Variants in TRDN observed in about 807,000 individuals in gnomAD.
The protein encoded by TRDN is triadin, also known as triadin in skeletal muscle.
Under a neutral mutation model 149.7 loss-of-function variants are expected in TRDN, and 161 were observed. The observed-to-expected ratio is 1.08, with a 90% CI of 0.95 to 1.23. The LOEUF (loss-of-function observed/expected upper bound fraction) is 1.23. Among genes scored for constraint, TRDN ranks in the 50% most tolerant of loss-of-function variants. TRDN has a pLI of 0.00. For missense variants in TRDN, 896 were observed against 823.5 expected, an observed-to-expected ratio of 1.09 and a Z score of -1.08; for synonymous variants, 294 against 250.5, an observed-to-expected ratio of 1.17 and a Z score of -1.64.
At chr6:123,394,115 A>T (rs958088177) in intron 12 of TRDN, among the ~76,000 whole-genome samples, 1 of 152,140 alleles carries the variant, frequency 6.6e-6, no homozygotes, top group Non-Finnish European at 1.5e-5. Flanking sequence ...TCCCAAGTTC[A>T]AGCCTTTGAC....
chr6:123,505,489 T>G (rs1444781988), intron 7 of TRDN, among the ~76,000 whole-genome samples: 1 of 152,084 alleles, frequency 6.6e-6, no homozygotes, highest in Non-Finnish European at 1.5e-5. Flanking sequence ...TTCAGATATT[T>G]ACAGGAAGAT....
chr6:123,258,616 G>C (rs189323743), intron 35 of TRDN, among the ~76,000 whole-genome samples: 31 of 152,150 alleles, frequency 2.0e-4, no homozygotes, highest in African/African-American at 7.0e-4. Flanking sequence ...TTATGTCTCT[G>C]CCAGGTTTTG....
chr6:123,530,245 T>C (rs1780172628), intron 5 of TRDN, among the ~76,000 whole-genome samples: 1 of 152,054 alleles, frequency 6.6e-6, no homozygotes, highest in Non-Finnish European at 1.5e-5. Context: ...AGCTACTCTC[T>C]TAGTAATTGT....
In TRDN at chr6:123,512,289, A is replaced by T; in HGVS notation, c.610+14T>A. 1 of 1,374,786 alleles carries T rather than the reference A, an allele frequency of 7.3e-7. No homozygotes were observed. The highest frequency in any genetic ancestry group is 1.0e-6 in the Non-Finnish European group (1 of 995,872). The allele number at this position is 1,374,786 out of a possible 1,614,324, so 85.2% of individuals were successfully genotyped here. On this transcript the variant is annotated intron_variant, in intron 7 of 40. Transcript: ENST00000334268. ...AAAGAATTTAGTTATGGAAATAATA[A>T]ATTGAAAAGTTACCTTTCGCCAGTG...
chr6:123,527,540 G>A (rs564517906), intron 5 of TRDN, among the ~76,000 whole-genome samples: 25 of 151,950 alleles, frequency 1.6e-4, no homozygotes, highest in African/African-American at 4.6e-4. Flanking sequence ...TGGAATCAGC[G>A]TTCTTGGAGG....
At chr6:123,562,622 T>C (rs1423729359) in intron 2 of TRDN, among the ~76,000 whole-genome samples, 2 of 152,210 alleles carry the variant, frequency 1.3e-5, no homozygotes, top group African/African-American at 4.8e-5. Context: ...TATTTTGTTA[T>C]ATCAGCCAAA....
intron 2 of TRDN, among the ~76,000 whole-genome samples, chr6:123,558,449 A>AG (rs1381514913): frequency 6.6e-6 from 1 of 152,242 alleles, no homozygotes; most frequent in East Asian, 1.9e-4. Flanking sequence ...CCTCTTAAAA[A>AG]GGTGGCTGGA....
At chr6:123,511,667 G>GATT (rs1779188189) in intron 7 of TRDN, among the ~76,000 whole-genome samples, 1 of 152,064 alleles carries the variant, frequency 6.6e-6, no homozygotes, top group Admixed American at 6.6e-5. Context: ...CAGTTTTTAT[G>GATT]ATTCCAAAGT....
chr6:123,344,873 C>CACA (rs1355171674), intron 21 of TRDN, among the ~76,000 whole-genome samples: 1 of 151,924 alleles, frequency 6.6e-6, no homozygotes, highest in Non-Finnish European at 1.5e-5. Flanking sequence ...TTTGCATTTC[C>CACA]ACAAGCAAAG....
chr6:123,409,689 T>TTACA (rs1387515512), intron 12 of TRDN, among the ~76,000 whole-genome samples: 1 of 82,828 alleles, frequency 1.2e-5, no homozygotes, highest in Non-Finnish European at 2.5e-5. Flanking sequence ...ATAATGTAAT[T>TTACA]TACACACACA....
Position 123,255,906 on chromosome 6 carries a change from T to C in TRDN, c.1871-4A>G. On this transcript the variant is annotated splice_polypyrimidine_tract_variant and splice_region_variant and intron_variant, in intron 35 of 40. Coordinates refer to ENST00000334268, the MANE Select transcript of TRDN (RefSeq NM_006073.4). ...AGATGCTTCATGTCTGCTTTTTCTG[T>C]ATAGAAGAAACAGTAACAGGGTAAT... 7.7e-7 allele frequency: 1 copy of C among 1,291,212 alleles called. No homozygotes were observed. Among genetic ancestry groups the C allele is most frequent in the Non-Finnish European group, 1.0e-6 (1 of 999,030 alleles). The allele number at this position is 1,291,212 out of a possible 1,614,324, so 80.0% of individuals were successfully genotyped here. A position where few individuals can be genotyped will look rare whatever the true frequency, so the allele number is the denominator to read the frequency against.
At chr6:123,226,579 T>C (rs1326932745) in intron 38 of TRDN, among the ~76,000 whole-genome samples, 1 of 151,980 alleles carries the variant, frequency 6.6e-6, no homozygotes, top group Non-Finnish European at 1.5e-5. Context: ...CTGAGTCACA[T>C]GTCAATCGCT....
At chr6:123,416,981 G>A (rs1359000736) in intron 12 of TRDN, among the ~76,000 whole-genome samples, 2 of 152,184 alleles carry the variant, frequency 1.3e-5, no homozygotes, top group Non-Finnish European at 2.9e-5. Context: ...GGGATTACAG[G>A]CGTGAGCCAC....
At chr6:123,335,852 T>C (rs1312518894) in intron 22 of TRDN, among the ~76,000 whole-genome samples, 1 of 152,032 alleles carries the variant, frequency 6.6e-6, no homozygotes, top group Non-Finnish European at 1.5e-5. Context: ...ATTTTACAAA[T>C]TGTGAACTCC....
chr6:123,302,223 G>A (rs2114672600), intron 24 of TRDN, among the ~76,000 whole-genome samples: 1 of 152,022 alleles, frequency 6.6e-6, no homozygotes, highest in South Asian at 2.1e-4. Flanking sequence ...AGAGACTCTG[G>A]TGACTGATGA....
intron 12 of TRDN, among the ~76,000 whole-genome samples, chr6:123,404,660 G>A (rs1438401358): frequency 6.6e-6 from 1 of 151,956 alleles, no homozygotes; most frequent in African/African-American, 2.4e-5. Flanking sequence ...GGCCAGGTTT[G>A]TTTCGAACTC....
chr6:123,532,344 C>A (rs1030953048), intron 4 of TRDN, among the ~76,000 whole-genome samples: 5 of 151,972 alleles, frequency 3.3e-5, no homozygotes, highest in Non-Finnish European at 5.9e-5. Flanking sequence ...CGAATACTAA[C>A]CTAGAGTCGC....
intron 1 of TRDN, among the ~76,000 whole-genome samples, chr6:123,612,848 G>A (rs1004044348): frequency 2.6e-5 from 4 of 152,086 alleles, no homozygotes; most frequent in African/African-American, 9.7e-5. Flanking sequence ...CCTGCCTAGG[G>A]ACAGTAGACA....
intron 9 of TRDN, among the ~76,000 whole-genome samples, chr6:123,490,647 A>G (rs1047137276): frequency 2.6e-5 from 4 of 152,184 alleles, no homozygotes; most frequent in Admixed American, 1.3e-4. Context: ...TTGCTAAAAG[A>G]GCATGTCACA....
Sources: gnomAD v4.1 joint callset for allele counts (sites outside exome capture counted in the v4.1 genomes callset) on GRCh38, gnomAD v4.1.1 for gene constraint, MANE v1.5 for transcripts, NCBI Gene and HGNC (gene_info 2026-07-23, HGNC 2026-07-21) for gene names.